Variants in EDIL3 observed in about 807,000 individuals in gnomAD.
The protein encoded by EDIL3 is EGF-like repeat and discoidin I-like domain-containing protein 3.
EDIL3 carries 37 observed loss-of-function variants against 67.4 expected under a neutral mutation model. The observed-to-expected ratio is 0.55, with a 90% CI of 0.42 to 0.72. The LOEUF is 0.72. Among genes scored for constraint, EDIL3 ranks in the 30% least tolerant of loss-of-function variants. The probability of loss-of-function intolerance (pLI) is 0.00; values close to 1 mark genes in which losing one functional copy is unlikely to be tolerated. For synonymous variants in EDIL3, 195 were observed against 196.3 expected (o/e 0.99, Z 0.05); for missense variants, 527 against 586.3 (o/e 0.90, Z 1.04).
At chr5:84,295,767 T>C (rs953912971) in intron 1 of EDIL3, among the ~76,000 whole-genome samples, 6 of 152,200 alleles carry the variant, frequency 3.9e-5, no homozygotes, top group African/African-American at 1.4e-4. Flanking sequence ...ATTCTCTCTC[T>C]GTGTTGCTTA....
intron 1 of EDIL3, among the ~76,000 whole-genome samples, chr5:84,290,882 C>G (rs1745900783): frequency 6.6e-6 from 1 of 152,170 alleles, no homozygotes; most frequent in Admixed American, 6.5e-5. Context: ...AGAGGTAGAG[C>G]TTTGCCTTCC....
intron 3 of EDIL3, among the ~76,000 whole-genome samples, chr5:84,220,342 A>G (rs908950453): frequency 6.6e-6 from 1 of 152,216 alleles, no homozygotes; most frequent in African/African-American, 2.4e-5. Context: ...TTTATACAGA[A>G]CAGGATAAAA....
chr5:83,944,366 T>C (rs1333014382), intron 10 of EDIL3, among the ~76,000 whole-genome samples: 1 of 151,556 alleles, frequency 6.6e-6, no homozygotes, highest in East Asian at 1.9e-4. Flanking sequence ...GCATTGCACG[T>C]CTATTCTTCT....
At chr5:84,143,148 A>T (rs760060355) in intron 4 of EDIL3, among the ~76,000 whole-genome samples, 16 of 151,972 alleles carry the variant, frequency 1.1e-4, no homozygotes, top group Non-Finnish European at 2.4e-4. Flanking sequence ...TAGGAATTTG[A>T]TTCTCCCACT....
At chr5:84,378,844 T>C (rs527329936) in intron 1 of EDIL3, among the ~76,000 whole-genome samples, 1 of 152,320 alleles carries the variant, frequency 6.6e-6, no homozygotes, top group South Asian at 2.1e-4. Context: ...GTTTTAAACT[T>C]CAGGTTTGGT....
chr5:84,058,426 G>T (rs577802317), intron 9 of EDIL3, among the ~76,000 whole-genome samples: 2 of 152,004 alleles, frequency 1.3e-5, no homozygotes, highest in Non-Finnish European at 2.9e-5. Context: ...AACTAGAAAC[G>T]GAAAAGCTGG....
chr5:84,024,717 A>G (rs1037828891), intron 9 of EDIL3, among the ~76,000 whole-genome samples: 5 of 152,182 alleles, frequency 3.3e-5, no homozygotes, highest in Admixed American at 3.3e-4. Context: ...AGTATTTCAC[A>G]CAACATGAAA....
At chr5:84,093,186 C>CT (rs5869208) in intron 6 of EDIL3, among the ~76,000 whole-genome samples, 2,552 of 144,980 alleles carry the variant, frequency 0.018, 54 homozygotes, top group African/African-American at 0.058. Flanking sequence ...TATCTTTCTC[C>CT]TTTTTTTTTT....
At chr5:84,116,789 A>T (rs1374144612) in intron 5 of EDIL3, among the ~76,000 whole-genome samples, 4 of 152,194 alleles carry the variant, frequency 2.6e-5, no homozygotes, top group Non-Finnish European at 5.9e-5. Context: ...ATAAAAGAAT[A>T]TCGAGAAGGA....
chr5:83,988,147 A>G (rs1211151162), intron 9 of EDIL3, among the ~76,000 whole-genome samples: 1 of 152,078 alleles, frequency 6.6e-6, no homozygotes, highest in African/African-American at 2.4e-5. Context: ...CTCATAACAT[A>G]ACGTGAAAAG....
intron 9 of EDIL3, among the ~76,000 whole-genome samples, chr5:84,000,505 A>G (rs1300594296): frequency 6.6e-6 from 1 of 152,146 alleles, no homozygotes; most frequent in African/African-American, 2.4e-5. Context: ...TCTGTTGAAA[A>G]ATAATAGGTT....
At chr5:84,160,120 CCTT>C (rs1337344584) in intron 4 of EDIL3, among the ~76,000 whole-genome samples, 1 of 152,112 alleles carries the variant, frequency 6.6e-6, no homozygotes, top group Non-Finnish European at 1.5e-5. Flanking sequence ...AACTACTACT[CCTT>C]CTTCAGAACC....
At chr5:84,153,690 T>C (rs1438793048) in intron 4 of EDIL3, among the ~76,000 whole-genome samples, 2 of 152,210 alleles carry the variant, frequency 1.3e-5, no homozygotes, top group African/African-American at 4.8e-5. Context: ...CTCGAGCTCC[T>C]GACCTCAGGA....
At chr5:84,368,206 T>C (rs778699659) in intron 1 of EDIL3, among the ~76,000 whole-genome samples, 25 of 152,290 alleles carry the variant, frequency 1.6e-4, no homozygotes, top group Middle Eastern at 3.4e-3. Flanking sequence ...TCACACTTCC[T>C]TATTTTAAAA....
chr5:84,151,639 G>C (rs1748395744), intron 4 of EDIL3, among the ~76,000 whole-genome samples: 1 of 152,094 alleles, frequency 6.6e-6, no homozygotes. Context: ...TAGTATCATT[G>C]CAAGATTTTC....
chr5:84,141,844 C>G (rs541604463), intron 4 of EDIL3, among the ~76,000 whole-genome samples: 42 of 147,668 alleles, frequency 2.8e-4, no homozygotes, highest in African/African-American at 9.9e-4. Flanking sequence ...TTTTTCCTAG[C>G]AGAAATGCAC....
chr5:84,274,599 A>G (rs1481123710), intron 1 of EDIL3, among the ~76,000 whole-genome samples: 1 of 152,218 alleles, frequency 6.6e-6, no homozygotes, highest in Admixed American at 6.5e-5. Flanking sequence ...ATTATTGCTA[A>G]TTTCATTTTA....
At chr5:84,047,188 G>A (rs1466328030) in intron 9 of EDIL3, among the ~76,000 whole-genome samples, 2 of 151,942 alleles carry the variant, frequency 1.3e-5, no homozygotes, top group African/African-American at 4.8e-5. Context: ...CCTGTATCTG[G>A]GGTTAATCTA....
At chr5:84,309,738 G>A (rs566322879) in intron 1 of EDIL3, among the ~76,000 whole-genome samples, 5 of 152,058 alleles carry the variant, frequency 3.3e-5, no homozygotes, top group African/African-American at 1.2e-4. Flanking sequence ...TAATCCAGTC[G>A]ATCATTGTTG....
Sources: gnomAD v4.1 joint callset for allele counts (sites outside exome capture counted in the v4.1 genomes callset) on GRCh38, gnomAD v4.1.1 for gene constraint, MANE v1.5 for transcripts, NCBI Gene and HGNC (gene_info 2026-07-23, HGNC 2026-07-21) for gene names.